ATP13A3: variants seen among roughly 807,000 people sequenced by gnomAD.
ATP13A3 encodes ATPase 13A3.
A neutral mutation model predicts 158.1 loss-of-function variants in ATP13A3; 59 were observed. That is an observed-to-expected ratio of 0.37 (90% CI 0.30 to 0.46). The LOEUF is 0.46. Among genes scored for constraint, ATP13A3 ranks in the 20% least tolerant of loss-of-function variants. ATP13A3 has a pLI of 1.00. For missense variants in ATP13A3, 1,166 were observed against 1,525.2 expected (o/e 0.76, Z 3.92); for synonymous variants, 491 against 504.3 (o/e 0.97, Z 0.35).
intron 2 of ATP13A3, among the ~76,000 whole-genome samples, chr3:194,473,280 A>G (rs1226661841): frequency 6.6e-6 from 1 of 152,238 alleles, no homozygotes; most frequent in Non-Finnish European, 1.5e-5. Context: ...AATAAAACAC[A>G]AAACAAATGA....
At chr3:194,444,957 C>T (rs980172860) in intron 14 of ATP13A3, among the ~76,000 whole-genome samples, 171 bp from the exon 15 acceptor site, 1 of 152,046 alleles carries the variant, frequency 6.6e-6, no homozygotes, top group Non-Finnish European at 1.5e-5. Context: ...CAGAGAATGG[C>T]TTCCAGGACA....
intron 30 of ATP13A3, among the ~76,000 whole-genome samples, chr3:194,420,977 G>C (rs970573973): frequency 2.0e-5 from 3 of 148,990 alleles, no homozygotes; most frequent in African/African-American, 7.5e-5. Flanking sequence ...AAGGGTCTCA[G>C]TGCCATTTTT....
chr3:194,408,684 T>TC (rs978298474), intron 33 of ATP13A3, among the ~76,000 whole-genome samples: 5 of 151,890 alleles, frequency 3.3e-5, no homozygotes, highest in African/African-American at 9.7e-5. Context: ...ACACTAAGGA[T>TC]CCCCCTACTG....
intron 20 of ATP13A3, among the ~76,000 whole-genome samples, chr3:194,434,537 C>T (rs935773174): frequency 4.6e-5 from 7 of 152,218 alleles, no homozygotes; most frequent in Non-Finnish European, 7.3e-5. Flanking sequence ...GGGAAACAGA[C>T]ATGCAACCAA....
chr3:194,460,865 C>A lies in ATP13A3; in HGVS notation c.52-34G>T. ...ACACAGCGATCACATGATTAATTAT[C>A]AAATGATAAAATGATATGGCAGAGA... On this transcript the variant is annotated intron_variant, in intron 3 of 33. Coordinates refer to ENST00000645319, the MANE Select transcript of ATP13A3 (RefSeq NM_001367549.1). 3 of 1,581,666 alleles carry A rather than the reference C, an allele frequency of 1.9e-6. No homozygotes were observed. In the South Asian group the frequency reaches 3.4e-5, roughly 18 times the overall value.
chr3:194,411,777 T>C (rs944466389), intron 33 of ATP13A3, among the ~76,000 whole-genome samples: 2 of 152,232 alleles, frequency 1.3e-5, no homozygotes, highest in Non-Finnish European at 2.9e-5. Flanking sequence ...CTTTGGACTC[T>C]GATCCAAGAA....
intron 2 of ATP13A3, among the ~76,000 whole-genome samples, chr3:194,467,336 A>T (rs1029264047): frequency 1.3e-5 from 2 of 152,176 alleles, no homozygotes; most frequent in Non-Finnish European, 2.9e-5. Context: ...CTTCCAATTA[A>T]TTATTTTTAA....
At chr3:194,438,831 T>C (rs771450936) in intron 17 of ATP13A3, 25 bp downstream of exon 17, 117 of 1,415,830 alleles carry the variant, frequency 8.3e-5, no homozygotes, top group Non-Finnish European at 1.1e-4. Flanking sequence ...CCAACAGTTT[T>C]ATCTAGCTTT....
At chr3:194,408,093 C>A (rs966728306) in intron 33 of ATP13A3, among the ~76,000 whole-genome samples, 1 of 150,634 alleles carries the variant, frequency 6.6e-6, no homozygotes, top group Non-Finnish European at 1.5e-5. Flanking sequence ...GATCTAAGCT[C>A]ACTGCAACCA....
chr3:194,454,515 C>G (rs779330774), intron 8 of ATP13A3, 123 bp from the exon 9 acceptor site: 1 of 1,099,456 alleles, frequency 9.1e-7, no homozygotes, highest in African/African-American at 1.6e-5. Context: ...TAGTATTCTA[C>G]GGCAAAATGT....
Position 194,448,399 on chromosome 3 carries a change from T to C in ATP13A3, c.1150+58A>G. The C allele has an allele frequency of 6.4e-7, 1 of 1,568,004 alleles. No homozygotes were observed. Among genetic ancestry groups the C allele is most frequent in the South Asian group, 1.1e-5 (1 of 89,026 alleles). On this transcript the variant is annotated intron_variant, in intron 12 of 33. Coordinates refer to ENST00000645319, the MANE Select transcript of ATP13A3 (RefSeq NM_001367549.1). This position sits in a 1 kb window ranked among gnomAD's most constrained non-coding sequence, Gnocchi z 4.0. ...AGCCCAGAATCTCTTTTTAAACATT[T>C]AGTAGGTATCAAATATGCTGAAACA... is the stretch of plus-strand genomic sequence containing the variant.
At chr3:194,412,429 C>T (rs1694322542) in intron 32 of ATP13A3, 141 bp from the exon 33 acceptor site, 4 of 639,620 alleles carry the variant, frequency 6.3e-6, no homozygotes, top group Non-Finnish European at 8.2e-6. Flanking sequence ...TCAGTTAATA[C>T]TGCCAAATGA....
At chr3:194,466,828 T>C (rs2109001726) in intron 2 of ATP13A3, among the ~76,000 whole-genome samples, 1 of 152,170 alleles carries the variant, frequency 6.6e-6, no homozygotes, top group African/African-American at 2.4e-5. Flanking sequence ...ACTAAAAAAA[T>C]AAAAATAAAA....
intron 31 of ATP13A3, among the ~76,000 whole-genome samples, chr3:194,414,999 T>TA (rs2108742502): frequency 6.6e-6 from 1 of 152,272 alleles, no homozygotes; most frequent in African/African-American, 2.4e-5. Context: ...CAGAATGTAT[T>TA]GAGTGACCAG....
Position 194,486,855 on chromosome 3 carries a change from T to G in ATP13A3, c.-378A>C, listed in dbSNP as rs1577100799. 2.8e-5 allele frequency: 4 copies of G among 142,824 alleles called. No homozygotes were observed. Among genetic ancestry groups the G allele is most frequent in the South Asian group, 2.3e-4 (1 of 4,434 alleles). 8.8% of individuals were successfully genotyped at this position (142,824 alleles called of 1,614,324 possible). The stretch of plus-strand genomic sequence containing the variant: ...GAGAACAAGGGAGGGCGGCGGGAGG[T>G]GGGCAGGGGAGGGGGGCGGTCTGCA... On this transcript the variant is annotated 5_prime_UTR_variant, in exon 1 of 34. Transcript: ENST00000645319.
At chr3:194,457,803 T>C (rs79768564) in intron 6 of ATP13A3, among the ~76,000 whole-genome samples, 25 of 151,416 alleles carry the variant, frequency 1.7e-4, no homozygotes, top group African/African-American at 5.8e-4. Context: ...TTTTTTTTTT[T>C]TGAGATGGAG....
intron 2 of ATP13A3, among the ~76,000 whole-genome samples, chr3:194,493,591 G>A (rs1333975063): frequency 6.6e-6 from 1 of 152,036 alleles, no homozygotes; most frequent in Non-Finnish European, 1.5e-5. Flanking sequence ...GGTTTGCAGT[G>A]AGCTGAGATC....
intron 11 of ATP13A3, among the ~76,000 whole-genome samples, chr3:194,449,091 A>G (rs577844890): frequency 1.0e-3 from 150 of 148,198 alleles, no homozygotes; most frequent in African/African-American, 3.6e-3. Context: ...ACACACACAC[A>G]GAACAGAAAA....
chr3:194,457,327 T>A (rs1719300235), intron 6 of ATP13A3, among the ~76,000 whole-genome samples, 153 bp from the exon 7 acceptor site: 1 of 152,218 alleles, frequency 6.6e-6, no homozygotes, highest in Non-Finnish European at 1.5e-5. Context: ...AAATGAGAAT[T>A]TTTAAATCTC....
Sources: allele counts gnomAD v4.1 joint callset (sites outside exome capture counted in the v4.1 genomes callset), GRCh38; gene constraint gnomAD v4.1.1; non-coding constraint Gnocchi (gnomAD v3.1); transcripts MANE v1.5; gene names NCBI Gene and HGNC (gene_info 2026-07-23, HGNC 2026-07-21).